Variants in ILDR1 observed in about 807,000 individuals in gnomAD.
The protein encoded by ILDR1 is immunoglobulin-like domain-containing receptor 1.
ILDR1 carries 56 observed loss-of-function variants against 62.4 expected under a neutral mutation model. The ratio of observed to expected loss-of-function variants is 0.90; its 90% confidence interval spans 0.72 to 1.12. The LOEUF is 1.12. Ranked by LOEUF, ILDR1 falls within the 50% of genes most tolerant of loss-of-function variation. The probability of loss-of-function intolerance (pLI) is 0.00; values close to 1 mark genes in which losing one functional copy is unlikely to be tolerated. For synonymous variants in ILDR1, 284 were observed against 277.8 expected (o/e 1.02, Z -0.22); for missense variants, 736 against 710.6 (o/e 1.04, Z -0.41).
chr3:122,004,459 A>G (rs953849995), intron 3 of ILDR1, among the ~76,000 whole-genome samples: 1 of 152,186 alleles, frequency 6.6e-6, no homozygotes, highest in Non-Finnish European at 1.5e-5. Context: ...TTTTATAGAA[A>G]TTGAGGCTGA....
the ILDR1 span, among the ~76,000 whole-genome samples, chr3:122,047,677 C>G: frequency 6.6e-6 from 1 of 152,176 alleles, no homozygotes; most frequent in Non-Finnish European, 1.5e-5. Context: ...ACCCGATTTT[C>G]CAGGTGCGTC....
At chr3:122,050,583 T>G in the ILDR1 span, among the ~76,000 whole-genome samples, 1 of 148,174 alleles carries the variant, frequency 6.7e-6, no homozygotes, top group African/African-American at 2.5e-5. Flanking sequence ...AAATTATATT[T>G]TTAATAATGT....
At chr3:122,006,717 G>A (rs992870690) in intron 2 of ILDR1, among the ~76,000 whole-genome samples, 1 of 152,166 alleles carries the variant, frequency 6.6e-6, no homozygotes, top group Non-Finnish European at 1.5e-5. Flanking sequence ...CAGGGAGGCA[G>A]GACTTTTCCC....
At chr3:122,027,833 A>T in the ILDR1 span, among the ~76,000 whole-genome samples, 2 of 152,166 alleles carry the variant, frequency 1.3e-5, no homozygotes, top group African/African-American at 4.8e-5. Flanking sequence ...ATTGAACCTG[A>T]CAAGGGGGTT....
In ILDR1 at chr3:121,993,894, G is replaced by A. The variant is rs2071397319; in HGVS notation, c.855C>T (p.Val285=). The A allele has an allele frequency of 5.0e-6, 8 of 1,613,974 alleles. No individual in the cohort carries two copies. The highest frequency in any genetic ancestry group is 6.8e-6 in the Non-Finnish European group (8 of 1,180,024). Residue 285 remains valine, a synonymous_variant, in exon 7 of 8, where the codon GTC becomes GTT. Coordinates refer to ENST00000344209, the MANE Select transcript of ILDR1 (RefSeq NM_001199799.2). ...TTNQPPIANG[V]LEYLEKELRN... ...GCAGTTCTTTCTCCAAATACTCCAG[G>A]ACACCATTGGCGATGGGAGGCTGAT...
At chr3:122,025,131 G>T (rs540227760), upstream of ILDR1, 1 of 152,236 alleles carries the variant, frequency 6.6e-6, no homozygotes, top group South Asian at 2.1e-4. Context: ...CCTATACAAA[G>T]TTATGATAAT....
At chr3:122,023,187 G>A (rs1431064311), upstream of ILDR1, among the ~76,000 whole-genome samples, 1 of 151,076 alleles carries the variant, frequency 6.6e-6, no homozygotes, top group South Asian at 2.1e-4. Flanking sequence ...TTATAAGTAG[G>A]TACATATTTA....
the ILDR1 span, among the ~76,000 whole-genome samples, chr3:122,028,335 CAAAAAAAAAA>C: frequency 1.0e-5 from 1 of 95,510 alleles, no homozygotes; most frequent in Non-Finnish European, 2.1e-5. Flanking sequence ...GACTCCATCT[CAAAAAAAAAA>C]AAAAAAAAAA....
the ILDR1 span, among the ~76,000 whole-genome samples, chr3:122,054,708 T>C: frequency 5.9e-5 from 9 of 152,256 alleles, no homozygotes; most frequent in African/African-American, 2.2e-4. Flanking sequence ...ATGCCCATTT[T>C]AATTCATACG....
At chr3:122,017,900 G>A (rs889558790) in intron 1 of ILDR1, among the ~76,000 whole-genome samples, 4 of 152,110 alleles carry the variant, frequency 2.6e-5, no homozygotes, top group Admixed American at 1.3e-4. Flanking sequence ...CAACAGATGC[G>A]GGAGAGGTTG....
the ILDR1 span, among the ~76,000 whole-genome samples, chr3:122,049,685 C>T: frequency 2.0e-5 from 3 of 151,868 alleles, no homozygotes; most frequent in Non-Finnish European, 4.4e-5. Flanking sequence ...TCTGAATGTC[C>T]CCAAAAATTC....
Position 121,993,676 on chromosome 3 carries a change from G to A in ILDR1, c.1073C>T (p.Pro358Leu). The A allele has an allele frequency of 1.9e-6, 3 of 1,614,206 alleles. No individual in the cohort carries two copies. The highest frequency in any genetic ancestry group is 1.3e-5 in the African/African-American group (1 of 75,064). ...SLHQQWLTPI[P>L]SRPWDLREGR... ...CTCCCTCAGATCCCAGGGCCTGGAG[G>A]GAATTGGGGTGAGCCACTGCTGGTG... Residue 358 changes from proline (P) to leucine (L), a missense_variant, in exon 7 of 8, where the codon CCC becomes CTC. Transcript: ENST00000344209.
At chr3:122,006,749 T>C (rs918477033) in intron 2 of ILDR1, among the ~76,000 whole-genome samples, 7 of 152,164 alleles carry the variant, frequency 4.6e-5, no homozygotes, top group Non-Finnish European at 7.3e-5. Context: ...TTTCTTTAAA[T>C]TTTTTTGAGA....
At chr3:122,054,140 G>A in the ILDR1 span, among the ~76,000 whole-genome samples, 11 of 152,152 alleles carry the variant, frequency 7.2e-5, no homozygotes, top group African/African-American at 2.7e-4. Context: ...TAGCAGTGAT[G>A]TCATCTGCTA....
chr3:121,990,563 A>T (rs2071327555), intron 7 of ILDR1, among the ~76,000 whole-genome samples: 1 of 152,204 alleles, frequency 6.6e-6, no homozygotes, highest in South Asian at 2.1e-4. Flanking sequence ...TCACCAGAAG[A>T]TATCATTGAC....
chr3:122,027,634 A>C, the ILDR1 span, among the ~76,000 whole-genome samples: 5 of 152,246 alleles, frequency 3.3e-5, no homozygotes, highest in African/African-American at 9.6e-5. Context: ...TTTTTTCAGA[A>C]TTTTACAAAC....
At chr3:122,056,234 G>A in the ILDR1 span, among the ~76,000 whole-genome samples, 3 of 152,256 alleles carry the variant, frequency 2.0e-5, no homozygotes, top group Non-Finnish European at 4.4e-5. Flanking sequence ...TTCGTGGTGC[G>A]CCAGAAGGTT....
At chr3:122,013,407 G>T (rs2071732076) in intron 1 of ILDR1, among the ~76,000 whole-genome samples, 1 of 152,178 alleles carries the variant, frequency 6.6e-6, no homozygotes, top group Non-Finnish European at 1.5e-5. Flanking sequence ...GTCTTTGCCG[G>T]CAAGGGGCAG....
chr3:122,011,677 T>TCACACACACA (rs10530548), intron 1 of ILDR1, among the ~76,000 whole-genome samples: 111 of 133,234 alleles, frequency 8.3e-4, no homozygotes, highest in African/African-American at 2.8e-3. Context: ...TCTCTCTCTT[T>TCACACACACA]CACACACACA....
Sources: allele counts gnomAD v4.1 joint callset (sites outside exome capture counted in the v4.1 genomes callset), GRCh38; gene constraint gnomAD v4.1.1; transcripts MANE v1.5; gene names NCBI Gene and HGNC (gene_info 2026-07-23, HGNC 2026-07-21).